Variants in PTPRD observed in about 807,000 individuals in gnomAD.
PTPRD encodes the protein protein tyrosine phosphatase receptor type D, also known as receptor-type tyrosine-protein phosphatase delta.
In PTPRD, 34 loss-of-function variants were observed where a neutral mutation model predicts 214.5. The ratio of observed to expected loss-of-function variants is 0.16; its 90% CI spans 0.12 to 0.21. The LOEUF (loss-of-function observed/expected upper bound fraction) is 0.21, where lower values mean the gene tolerates loss of function less well. PTPRD is among the 10% of genes least tolerant of loss of function. The probability of loss-of-function intolerance (pLI) is 1.00; values close to 1 mark genes in which losing one functional copy is unlikely to be tolerated. For missense variants in PTPRD, 2,545 were observed against 2,398.7 expected (o/e 1.06, Z -1.27); for synonymous variants, 1,128 against 845.7 (o/e 1.33, Z -5.79).
intron 9 of PTPRD, among the ~76,000 whole-genome samples, chr9:9,339,348 T>C (rs1005992392): frequency 8.1e-5 from 12 of 148,556 alleles, no homozygotes; most frequent in African/African-American, 2.5e-4. Flanking sequence ...TAGCCAGGCA[T>C]GGTGGTGGGT....
chr9:9,686,319 T>A (rs2097166894), intron 7 of PTPRD, among the ~76,000 whole-genome samples: 1 of 151,332 alleles, frequency 6.6e-6, no homozygotes, highest in African/African-American at 2.4e-5. Context: ...ATTCTATATT[T>A]AAACTCATTT....
intron 8 of PTPRD, among the ~76,000 whole-genome samples, chr9:9,453,286 T>A (rs10977765): frequency 0.15 from 23,028 of 151,496 alleles, 1,845 homozygotes; most frequent in Middle Eastern, 0.29. Context: ...TTCCATGCGG[T>A]TGCATATTCA....
intron 14 of PTPRD, among the ~76,000 whole-genome samples, chr9:8,627,931 G>A (rs765527067): frequency 2.0e-5 from 3 of 151,880 alleles, no homozygotes; most frequent in Non-Finnish European, 4.4e-5. Context: ...TGGAAATGAG[G>A]TACACACGAA....
At position 8,971,475 on chromosome 9, in the gene PTPRD, G is replaced by C. The variant is rs1383612146; in HGVS notation, c.-104+47222C>G. Among the ~76,000 whole-genome samples, 6 of 151,762 alleles carry C rather than the reference G, an allele frequency of 4.0e-5. No homozygotes were observed. In the South Asian group the frequency reaches 1.2e-3, roughly 32 times the overall value. On this transcript the variant is annotated intron_variant, in intron 11 of 45. Coordinates refer to ENST00000381196, the MANE Select transcript of PTPRD (RefSeq NM_002839.4). ...TTTCATTTTCTTTATCTGTGAGATGGGAAGGACAGTTATGCCTAATTCACA... is the reference window on the plus strand; with the variant it reads ...TTTCATTTTCTTTATCTGTGAGATGCGAAGGACAGTTATGCCTAATTCACA...
chr9:8,521,650 A>AT, intron 19 of PTPRD, 104 bp from the exon 20 acceptor site: 1 of 1,328,780 alleles, frequency 7.5e-7, no homozygotes, highest in Non-Finnish European at 1.0e-6. Context: ...CAATTGAAAC[A>AT]TTGTGGATTG....
intron 2 of PTPRD, among the ~76,000 whole-genome samples, chr9:10,375,293 T>C (rs2097706287): frequency 6.6e-6 from 1 of 152,148 alleles, no homozygotes; most frequent in Admixed American, 6.6e-5. Context: ...GATAATTCTA[T>C]GCATGCAGAA....
chr9:10,357,818 C>A (rs1477411942), intron 2 of PTPRD, among the ~76,000 whole-genome samples: 1 of 152,152 alleles, frequency 6.6e-6, no homozygotes, highest in Non-Finnish European at 1.5e-5. Context: ...TTTTCCCTGA[C>A]ATTAAAATGC....
chr9:9,079,923 T>G (rs527485969), intron 10 of PTPRD, among the ~76,000 whole-genome samples: 2 of 152,214 alleles, frequency 1.3e-5, no homozygotes, highest in South Asian at 4.1e-4. Flanking sequence ...TGCCCTTAGT[T>G]TCTACTGATG....
intron 7 of PTPRD, among the ~76,000 whole-genome samples, chr9:9,703,890 T>C (rs1389179862): frequency 6.6e-6 from 1 of 152,118 alleles, no homozygotes; most frequent in African/African-American, 2.4e-5. Flanking sequence ...ACTTGATTAA[T>C]TTTACTTTCT....
intron 12 of PTPRD, among the ~76,000 whole-genome samples, chr9:8,649,445 T>C (rs913481925): frequency 1.3e-5 from 2 of 152,344 alleles, no homozygotes; most frequent in African/African-American, 2.4e-5. Context: ...ACTGGTTAAG[T>C]TGGCAAGATA....
intron 3 of PTPRD, among the ~76,000 whole-genome samples, chr9:10,200,550 C>CA (rs2099415673): frequency 6.6e-6 from 1 of 152,026 alleles, no homozygotes; most frequent in Non-Finnish European, 1.5e-5. Flanking sequence ...AAGAGAAGAC[C>CA]ATATGACTGA....
At chr9:10,031,272 C>T (rs74304630) in intron 4 of PTPRD, among the ~76,000 whole-genome samples, 5,176 of 151,850 alleles carry the variant, frequency 0.034, 174 homozygotes, top group East Asian at 0.12. Context: ...ACTGTTAACT[C>T]GATTGGATTG....
At chr9:9,531,193 G>A (rs2075381616) in intron 8 of PTPRD, among the ~76,000 whole-genome samples, 1 of 152,110 alleles carries the variant, frequency 6.6e-6, no homozygotes, top group Non-Finnish European at 1.5e-5. Context: ...AACTAAATGA[G>A]AAATATGATA....
intron 6 of PTPRD, among the ~76,000 whole-genome samples, chr9:9,761,854 C>A (rs1023976809): frequency 1.3e-5 from 2 of 152,190 alleles, no homozygotes; most frequent in Non-Finnish European, 2.9e-5. Flanking sequence ...GCGAATTATT[C>A]CATGCTCCAC....
chr9:8,656,790 C>T (rs554768537), intron 12 of PTPRD, among the ~76,000 whole-genome samples: 1 of 152,328 alleles, frequency 6.6e-6, no homozygotes, highest in East Asian at 1.9e-4. Flanking sequence ...ATACTCCCTA[C>T]TGCTCACTTT....
intron 2 of PTPRD, among the ~76,000 whole-genome samples, chr9:10,513,214 C>A (rs146536291): frequency 6.6e-6 from 1 of 150,966 alleles, no homozygotes; most frequent in African/African-American, 2.4e-5. Flanking sequence ...TTTAATGAAG[C>A]GTTTATTTTA....
chr9:9,262,618 G>T (rs1298368847), intron 9 of PTPRD, among the ~76,000 whole-genome samples: 1 of 151,438 alleles, frequency 6.6e-6, no homozygotes, highest in Non-Finnish European at 1.5e-5. Context: ...CCCTTGTATA[G>T]AAATGGATGA....
intron 37 of PTPRD, among the ~76,000 whole-genome samples, chr9:8,385,619 A>C (rs2086720383): frequency 6.6e-6 from 1 of 152,162 alleles, no homozygotes; most frequent in South Asian, 2.1e-4. Context: ...TAAAATAACC[A>C]AAAAAGGGGA....
At position 8,529,289 on chromosome 9, in the gene PTPRD, C is replaced by T. The variant is rs956221743; in HGVS notation, c.353-510G>A. ...CTTGGGGAACAAGCAGAAGCTAGGT[C>T]ACGCTATCTGTTTCAAAGCTGGTAT... On this transcript the variant is annotated intron_variant, in intron 14 of 45. Transcript: ENST00000381196. 5.4e-4 allele frequency among the ~76,000 whole-genome samples: 82 copies of T among 152,060 alleles called. 1 individual carries two copies. The highest frequency in any genetic ancestry group is 1.9e-3 in the African/African-American group (78 of 41,424).
Sources: gnomAD v4.1 joint callset for allele counts (sites outside exome capture counted in the v4.1 genomes callset) on GRCh38, gnomAD v4.1.1 for gene constraint, MANE v1.5 for transcripts, NCBI Gene and HGNC (gene_info 2026-07-23, HGNC 2026-07-21) for gene names.